NEK7: variants seen among roughly 807,000 people sequenced by gnomAD.
The protein encoded by NEK7 is serine/threonine-protein kinase Nek7.
A neutral mutation model predicts 44.6 loss-of-function variants in NEK7; 18 were observed. The ratio of observed to expected loss-of-function variants is 0.40; its 90% CI spans 0.28 to 0.60. NEK7 has a LOEUF of 0.60. Ranked by LOEUF, NEK7 falls within the 20% of genes least tolerant of loss-of-function variation. NEK7 has a pLI of 0.38. For missense variants in NEK7, 256 were observed against 366.5 expected (o/e 0.70, Z 2.46); for synonymous variants, 130 against 121.1 (o/e 1.07, Z -0.48).
chr1:198,175,719 T>C (rs1373752766), intron 1 of NEK7, among the ~76,000 whole-genome samples: 1 of 152,214 alleles, frequency 6.6e-6, no homozygotes, highest in African/African-American at 2.4e-5. Context: ...ACAGTTAACC[T>C]AAACAAATAC....
rs147700103 is a variant in NEK7 at position 198,283,617 on chromosome 1, G to A, written c.589+4556G>A. On this transcript the variant is annotated intron_variant, in intron 7 of 9. Coordinates refer to ENST00000367385, the MANE Select transcript of NEK7 (RefSeq NM_133494.3). ...AATTGTAGGATATTTTGACATAAGT[G>A]TAGGACACTTATGAATTTTGCCTTA... Among the ~76,000 whole-genome samples the A allele has an allele frequency of 2.0e-3, 302 of 152,184 alleles. 1 individual carries two copies. The highest frequency in any genetic ancestry group is 3.4e-3 in the Middle Eastern group (1 of 292).
At chr1:198,242,310 C>G (rs892174098) in intron 2 of NEK7, among the ~76,000 whole-genome samples, 28 of 152,078 alleles carry the variant, frequency 1.8e-4, no homozygotes, top group African/African-American at 6.8e-4. Flanking sequence ...ATGGTGCTAC[C>G]TTGCTGAAAA....
chr1:198,219,310 A>G (rs1666018481), intron 1 of NEK7, among the ~76,000 whole-genome samples: 2 of 150,258 alleles, frequency 1.3e-5, no homozygotes, highest in South Asian at 4.2e-4. Context: ...AAATATGTGT[A>G]TATATATGTG....
At position 198,216,682 on chromosome 1, in the gene NEK7, C is replaced by T. The variant is rs562573210; in HGVS notation, c.-28-15871C>T. 5.0e-4 allele frequency among the ~76,000 whole-genome samples: 76 copies of T among 151,848 alleles called. 2 individuals are homozygous for T. In the South Asian group the frequency reaches 0.015, roughly 30 times the overall value. On this transcript the variant is annotated intron_variant, in intron 1 of 9. Coordinates refer to ENST00000367385, the MANE Select transcript of NEK7 (RefSeq NM_133494.3). ...TGAAAAGATAAACAAAATCGATAGGCCACTAGCTAGATTAACCAAGAAAAG... is the reference window on the plus strand; with the variant it reads ...TGAAAAGATAAACAAAATCGATAGGTCACTAGCTAGATTAACCAAGAAAAG...
intron 1 of NEK7, among the ~76,000 whole-genome samples, chr1:198,179,337 A>G (rs555725546): frequency 6.6e-6 from 1 of 152,098 alleles, no homozygotes; most frequent in African/African-American, 2.4e-5. Context: ...AATGTAGAAC[A>G]TGCATGGCTT....
chr1:198,253,066 T>G lies in NEK7; in HGVS notation c.84T>G (p.Tyr28Ter), dbSNP rs1217875629. The G allele has an allele frequency of 6.2e-7, 1 of 1,612,020 alleles. No homozygotes were observed. Among genetic ancestry groups the G allele is most frequent in the Non-Finnish European group, 8.5e-7 (1 of 1,178,588 alleles). The change falls in exon 3 of 10, where the codon TAT (tyrosine) becomes TAG (stop). Residue 28 changes from tyrosine (Y) to a stop codon, truncating the protein, a stop_gained. Coordinates refer to ENST00000367385, the MANE Select transcript of NEK7 (RefSeq NM_133494.3). LOFTEE classifies it high-confidence loss of function. Reference protein sequence around the residue: ...PQKALRPDMGYNTLANFRIEK... With the variant: ...PQKALRPDMG ...AGGCCTTACGACCGGATATGGGCTA[T>G]AATACATTAGCCAACTTTCGAATAG...
chr1:198,248,171 A>G (rs1186270076), intron 2 of NEK7, among the ~76,000 whole-genome samples: 2 of 152,164 alleles, frequency 1.3e-5, no homozygotes, highest in Non-Finnish European at 2.9e-5. Flanking sequence ...AAAAGAGAAG[A>G]TATGAGGGCA....
At chr1:198,234,069 T>G (rs1666479522) in intron 2 of NEK7, among the ~76,000 whole-genome samples, 1 of 152,114 alleles carries the variant, frequency 6.6e-6, no homozygotes, top group African/African-American at 2.4e-5. Flanking sequence ...AAAATCTCCT[T>G]GAGGGAAAGG....
chr1:198,183,777 T>C (rs1172894479), intron 1 of NEK7, among the ~76,000 whole-genome samples: 2 of 152,228 alleles, frequency 1.3e-5, no homozygotes, highest in Non-Finnish European at 2.9e-5. Flanking sequence ...GCTATGTGCC[T>C]ATGGTGTTCT....
At chr1:198,165,311 T>G (rs759109169) in intron 1 of NEK7, among the ~76,000 whole-genome samples, 6 of 152,214 alleles carry the variant, frequency 3.9e-5, no homozygotes, top group Non-Finnish European at 8.8e-5. Context: ...GGTTTTCAGT[T>G]TACTTTACCC....
chr1:198,268,917 C>T (rs762782699), intron 5 of NEK7, among the ~76,000 whole-genome samples: 1 of 152,082 alleles, frequency 6.6e-6, no homozygotes, highest in Admixed American at 6.6e-5. Flanking sequence ...CTTCTCCATT[C>T]TTGGCTGACT....
intron 1 of NEK7, among the ~76,000 whole-genome samples, chr1:198,184,543 A>G (rs1314612744): frequency 2.0e-5 from 3 of 152,236 alleles, no homozygotes; most frequent in Admixed American, 2.0e-4. Context: ...TTGATTTAAT[A>G]ATTCTTAAAT....
chr1:198,188,871 AAG>A (rs1043285903), intron 1 of NEK7, among the ~76,000 whole-genome samples: 4 of 152,130 alleles, frequency 2.6e-5, no homozygotes, highest in African/African-American at 7.2e-5. Context: ...TTTTGCAGAA[AAG>A]AAAACTGATG....
intron 9 of NEK7, among the ~76,000 whole-genome samples, chr1:198,316,682 T>C (rs1177119126): frequency 1.3e-5 from 2 of 152,230 alleles, no homozygotes; most frequent in East Asian, 1.9e-4. Flanking sequence ...GTAGGCTGTT[T>C]AAGGGCCTGT....
chr1:198,243,150 C>T (rs1666737141), intron 2 of NEK7, among the ~76,000 whole-genome samples: 1 of 152,122 alleles, frequency 6.6e-6, no homozygotes, highest in Admixed American at 6.5e-5. Flanking sequence ...TTTTTAGTCT[C>T]TGTGTAAATG....
At chr1:198,217,020 G>C (rs1182053906) in intron 1 of NEK7, among the ~76,000 whole-genome samples, 1 of 151,940 alleles carries the variant, frequency 6.6e-6, no homozygotes, top group Non-Finnish European at 1.5e-5. Context: ...AATTCTACCA[G>C]ACATTCAAGG....
At chr1:198,270,117 C>A (rs930602325) in intron 5 of NEK7, among the ~76,000 whole-genome samples, 9 of 151,770 alleles carry the variant, frequency 5.9e-5, no homozygotes, top group Non-Finnish European at 1.2e-4. Context: ...AAATTAATCT[C>A]AAAAAATATA....
At chr1:198,250,322 C>T (rs1262326921) in intron 2 of NEK7, among the ~76,000 whole-genome samples, 7 of 151,636 alleles carry the variant, frequency 4.6e-5, no homozygotes, top group African/African-American at 1.7e-4. Context: ...GTGATGCCTC[C>T]AGCTTTGTTC....
intron 1 of NEK7, among the ~76,000 whole-genome samples, chr1:198,203,878 C>T (rs182491284): frequency 2.6e-5 from 4 of 152,118 alleles, no homozygotes; most frequent in African/African-American, 9.6e-5. Flanking sequence ...TCCTTCCTTC[C>T]TGTTTTCTTT....
Sources: allele counts gnomAD v4.1 joint callset (sites outside exome capture counted in the v4.1 genomes callset), GRCh38; gene constraint gnomAD v4.1.1; transcripts MANE v1.5; gene names NCBI Gene and HGNC (gene_info 2026-07-23, HGNC 2026-07-21).